The following MAP3K13 variants were observed in gnomAD, a reference collection of about 807,000 sequenced individuals.
The protein encoded by MAP3K13 is leucine zipper-bearing kinase.
Under a neutral mutation model 104.0 loss-of-function variants are expected in MAP3K13, and 52 were observed. The ratio of observed to expected loss-of-function variants is 0.50; its 90% confidence interval spans 0.40 to 0.63. The LOEUF (loss-of-function observed/expected upper bound fraction) is 0.63, where lower values mean the gene tolerates loss of function less well. Among genes scored for constraint, MAP3K13 ranks in the 20% least tolerant of loss-of-function variants. The pLI is 0.00. For missense variants in MAP3K13, 914 were observed against 1,218.5 expected (o/e 0.75, Z 3.72); for synonymous variants, 394 against 442.2 (o/e 0.89, Z 1.37).
At chr3:185,460,971 A>ACTT (rs1717064378) in intron 7 of MAP3K13, among the ~76,000 whole-genome samples, 1 of 152,318 alleles carries the variant, frequency 6.6e-6, no homozygotes, top group East Asian at 1.9e-4. Context: ...ATACAGTGAC[A>ACTT]GTTTTGCACA....
intron 2 of MAP3K13, among the ~76,000 whole-genome samples, chr3:185,320,623 C>T (rs1276855683): frequency 1.3e-5 from 2 of 152,288 alleles, no homozygotes; most frequent in Non-Finnish European, 2.9e-5. Context: ...ATTACCTCCA[C>T]GGTTACCATT....
intron 1 of MAP3K13, chr3:185,417,382 CT>C (rs1209297630): frequency 9.7e-7 from 1 of 1,035,792 alleles, no homozygotes; most frequent in African/African-American, 1.6e-5. Context: ...GATATATGTT[CT>C]TTTCTTTTCT....
intron 2 of MAP3K13, among the ~76,000 whole-genome samples, chr3:185,321,040 G>A (rs1311977401): frequency 1.6e-5 from 1 of 60,782 alleles, no homozygotes; most frequent in African/African-American, 4.2e-5. Flanking sequence ...TATATTATAT[G>A]CGTGCACACA....
At chr3:185,402,877 T>A (rs1389898601) in intron 1 of MAP3K13, among the ~76,000 whole-genome samples, 1 of 152,204 alleles carries the variant, frequency 6.6e-6, no homozygotes. Context: ...TTAGACTGAC[T>A]CAGCTGCTGT....
rs878990125 is a variant in MAP3K13 at position 185,291,519 on chromosome 3, GATTA to G, written c.-86+5881_-86+5884del. 101 of 1,141,022 alleles carry G rather than the reference GATTA, an allele frequency of 8.9e-5. 1 individual carries two copies. In the South Asian group the frequency reaches 1.6e-3, roughly 18 times the overall value. The allele number at this position is 1,141,022 out of a possible 1,614,324, so 70.7% of individuals were successfully genotyped here. A position where few individuals can be genotyped will look rare whatever the true frequency, so the allele number is the denominator to read the frequency against. Reference sequence around the variant, plus strand: ...CTTTCAGCATGGTATCTAGTAATCTGATTAATTACTGACCCAAAAGTAGTTTTTA... The same window carrying G: ...CTTTCAGCATGGTATCTAGTAATCTGATTACTGACCCAAAAGTAGTTTTTA... On this transcript the variant is annotated intron_variant, in intron 2 of 14. Coordinates refer to the MAP3K13 transcript ENST00000424227.
Position 185,443,639 on chromosome 3 carries a change from G to A in MAP3K13, c.851+3G>A. 6.2e-7 allele frequency: 1 copy of A among 1,609,508 alleles called. No homozygotes were observed. Among genetic ancestry groups the A allele is most frequent in the East Asian group, 2.2e-5 (1 of 44,784 alleles). On this transcript the variant is annotated splice_donor_region_variant and intron_variant, in intron 4 of 13. Transcript: ENST00000265026. ...CATCGTGATCTCAAATCACCTAAGTGAGTTCTGGGGCTAATGTTTCAGCTA... is the reference window on the plus strand; with the variant it reads ...CATCGTGATCTCAAATCACCTAAGTAAGTTCTGGGGCTAATGTTTCAGCTA...
intron 1 of MAP3K13, among the ~76,000 whole-genome samples, chr3:185,422,505 A>G (rs1197697417): frequency 2.0e-5 from 3 of 152,178 alleles, no homozygotes; most frequent in Non-Finnish European, 4.4e-5. Context: ...TTCATCCTTA[A>G]CCTGTTAGAG....
chr3:185,387,371 C>G (rs1265672408), intron 1 of MAP3K13, among the ~76,000 whole-genome samples: 3 of 152,128 alleles, frequency 2.0e-5, no homozygotes, highest in Non-Finnish European at 4.4e-5. Flanking sequence ...TCCTCTCTCT[C>G]TATGTGATCT....
intron 2 of MAP3K13, among the ~76,000 whole-genome samples, chr3:185,316,877 G>A (rs1721697059): frequency 6.6e-6 from 1 of 152,186 alleles, no homozygotes; most frequent in South Asian, 2.1e-4. Context: ...GCTTGGGCAG[G>A]AAGGACGATG....
At chr3:185,321,565 T>G (rs1274955328) in intron 2 of MAP3K13, among the ~76,000 whole-genome samples, 1 of 152,208 alleles carries the variant, frequency 6.6e-6, no homozygotes, top group African/African-American at 2.4e-5. Flanking sequence ...GTGGCCATAT[T>G]CTTATTTTTT....
chr3:185,304,927 C>T (rs1410304971), intron 2 of MAP3K13, among the ~76,000 whole-genome samples: 6 of 58,138 alleles, frequency 1.0e-4, no homozygotes, highest in Non-Finnish European at 1.5e-4. Context: ...CCACCGCACC[C>T]GGCCACCCCT....
At chr3:185,399,826 G>A (rs953807917) in intron 1 of MAP3K13, among the ~76,000 whole-genome samples, 1 of 151,846 alleles carries the variant, frequency 6.6e-6, no homozygotes, top group Admixed American at 6.6e-5. Context: ...ACCCTGGCTC[G>A]TTACCTCCTC....
At chr3:185,420,567 T>C (rs1168370244) in intron 1 of MAP3K13, among the ~76,000 whole-genome samples, 2 of 152,336 alleles carry the variant, frequency 1.3e-5, no homozygotes, top group South Asian at 2.1e-4. Context: ...TTTTTAAAGA[T>C]AGGCAAGAAG....
Position 185,285,784 on chromosome 3 carries a change from T to G in MAP3K13, c.-86+141T>G, listed in dbSNP as rs1720486063. ...TCAGGACCTTCCAAAGAGAGGTTTGTTTTGTATATATGAAGCAATTGTTCT... is the reference window on the plus strand; with the variant it reads ...TCAGGACCTTCCAAAGAGAGGTTTGGTTTGTATATATGAAGCAATTGTTCT... On this transcript the variant is annotated intron_variant, in intron 2 of 14. Transcript: ENST00000424227. The G allele has an allele frequency of 9.9e-6, 6 of 606,854 alleles. No individual in the cohort carries two copies. The South Asian group carries it at 1.7e-4, about 17-fold the overall frequency. 37.6% of individuals were successfully genotyped at this position (606,854 alleles called of 1,614,324 possible).
At chr3:185,395,357 C>CTTTTTTTTTTTTTTTTTTTTTT (rs770336517) in intron 1 of MAP3K13, among the ~76,000 whole-genome samples, 1 of 69,978 alleles carries the variant, frequency 1.4e-5, no homozygotes, top group African/African-American at 6.9e-5. Context: ...AATATTATTT[C>CTTTTTTTTTTTTTTTTTTTTTT]TTTTTTTTTT....
intron 1 of MAP3K13, among the ~76,000 whole-genome samples, chr3:185,372,768 G>A (rs1724221011): frequency 6.6e-6 from 1 of 152,108 alleles, no homozygotes; most frequent in Non-Finnish European, 1.5e-5. Context: ...ACAAAGAAGA[G>A]CCAACCAGTT....
At chr3:185,331,197 G>A (rs1452986135) in intron 2 of MAP3K13, among the ~76,000 whole-genome samples, 3 of 142,302 alleles carry the variant, frequency 2.1e-5, no homozygotes, top group Non-Finnish European at 3.0e-5. Context: ...GGGTTCAAGC[G>A]ATTCTCCTGC....
intron 1 of MAP3K13, among the ~76,000 whole-genome samples, chr3:185,410,308 A>G (rs1467205616): frequency 6.6e-6 from 1 of 152,192 alleles, no homozygotes; most frequent in African/African-American, 2.4e-5. Flanking sequence ...AGTTAAACTC[A>G]TAGGAGTAAA....
intron 2 of MAP3K13, among the ~76,000 whole-genome samples, chr3:185,437,197 T>C (rs944735275): frequency 1.3e-5 from 2 of 151,668 alleles, no homozygotes; most frequent in Admixed American, 6.6e-5. Context: ...GTAGGATATG[T>C]TTTATTTGGA....
Sources: allele counts gnomAD v4.1 joint callset (sites outside exome capture counted in the v4.1 genomes callset), GRCh38; gene constraint gnomAD v4.1.1; transcripts MANE v1.5; gene names NCBI Gene and HGNC (gene_info 2026-07-23, HGNC 2026-07-21).